CNKSR2: variants seen among roughly 807,000 people sequenced by gnomAD.
CNKSR2 encodes connector enhancer of kinase suppressor of Ras 2.
A neutral mutation model predicts 84.4 loss-of-function variants in CNKSR2; 14 were observed. That is an observed-to-expected ratio of 0.17 (90% CI 0.11 to 0.26). The LOEUF is 0.26. Ranked by LOEUF, CNKSR2 falls within the 10% of genes least tolerant of loss-of-function variation. CNKSR2 has a pLI of 1.00. For synonymous variants in CNKSR2, 275 were observed against 277.9 expected (o/e 0.99, Z 0.10); for missense variants, 485 against 771.2 (o/e 0.63, Z 4.40).
chrX:21,641,334 G>A (rs1243358573), intron 20 of CNKSR2, among the ~76,000 whole-genome samples: 1 of 111,770 alleles, frequency 8.9e-6, no homozygotes, highest in Non-Finnish European at 1.9e-5. Context: ...AGCAAAAGGT[G>A]TCCCATTTAT....
At chrX:21,650,648 T>C (rs2092718791) in intron 21 of CNKSR2, among the ~76,000 whole-genome samples, 1 of 111,759 alleles carries the variant, frequency 8.9e-6, no homozygotes, top group African/African-American at 3.3e-5. Flanking sequence ...GAGGGCTCCT[T>C]TGGGAAATAT....
At chrX:21,433,156 G>A (rs1263492952) in intron 3 of CNKSR2, among the ~76,000 whole-genome samples, 1 of 110,919 alleles carries the variant, frequency 9.0e-6, no homozygotes, top group Admixed American at 9.6e-5. Context: ...ATATTAATTG[G>A]TTGTACTTAA....
intron 8 of CNKSR2, chrX:21,504,247 G>C (rs2091589637): frequency 9.0e-6 from 1 of 111,165 alleles, no homozygotes; most frequent in African/African-American, 3.3e-5. Flanking sequence ...ATTATTTATA[G>C]TCTGCAATTA....
chrX:21,424,347 G>A (rs2090537940), intron 1 of CNKSR2: 1 of 111,632 alleles, frequency 9.0e-6, no homozygotes, highest in Non-Finnish European at 1.9e-5. Flanking sequence ...AATTCTCAGA[G>A]TGCTTTAGTC....
intron 1 of CNKSR2, among the ~76,000 whole-genome samples, chrX:21,420,376 C>A (rs777723914): frequency 8.9e-6 from 1 of 112,475 alleles, no homozygotes; most frequent in Non-Finnish European, 1.9e-5. Flanking sequence ...ACCCCAAGAA[C>A]CTGCTTTGTT....
At chrX:21,578,549 GTT>G (rs199558488) in intron 13 of CNKSR2, among the ~76,000 whole-genome samples, 1,430 of 83,087 alleles carry the variant, frequency 0.017, 19 homozygotes, top group African/African-American at 0.053. Flanking sequence ...CTACTTACCT[GTT>G]TTTTTTTTTT....
At chrX:21,644,629 A>G (rs1373836810) in intron 20 of CNKSR2, 1 of 111,735 alleles carries the variant, frequency 8.9e-6, no homozygotes, top group Non-Finnish European at 1.9e-5. Context: ...TGTGCCAGGT[A>G]GAAGAAGGGG....
chrX:21,379,683 A>T (rs1479354021), intron 1 of CNKSR2, among the ~76,000 whole-genome samples: 1 of 111,503 alleles, frequency 9.0e-6, no homozygotes, highest in Non-Finnish European at 1.9e-5. Context: ...GGGTGCTTTA[A>T]TGGGTTGTTT....
chrX:21,427,074 A>C (rs1290103413), intron 2 of CNKSR2: 1 of 130,134 alleles, frequency 7.7e-6, no homozygotes, highest in Admixed American at 9.0e-5. Flanking sequence ...AAACCTACTT[A>C]AAAGGATGGC....
rs2092728073 is a variant in CNKSR2, at chrX:21,654,307, T to C, written c.*1786T>C. The stretch of plus-strand genomic sequence containing the variant: ...AAAAAAAAAAAAACAAAAAACCTCT[T>C]GTCCTAAAATGAAGTGTGCTTGTTA... On this transcript the variant is annotated 3_prime_UTR_variant, in exon 22 of 22. Coordinates refer to ENST00000379510, the MANE Select transcript of CNKSR2 (RefSeq NM_014927.5). 9.5e-6 allele frequency: 1 copy of C among 105,575 alleles called. No homozygotes were observed. Among genetic ancestry groups the C allele is most frequent in the African/African-American group, 3.5e-5 (1 of 28,948 alleles). The allele number at this position is 105,575 out of a possible 1,213,427, so 8.7% of individuals were successfully genotyped here.
intron 4 of CNKSR2, among the ~76,000 whole-genome samples, chrX:21,469,247 T>C (rs1021784446): frequency 1.8e-5 from 2 of 112,198 alleles, no homozygotes; most frequent in African/African-American, 6.5e-5. Flanking sequence ...AGAAGCAGCA[T>C]GTGGAAGCTG....
At chrX:21,648,071 T>A (rs2092711000) in intron 20 of CNKSR2, among the ~76,000 whole-genome samples, 1 of 111,919 alleles carries the variant, frequency 8.9e-6, no homozygotes, top group Non-Finnish European at 1.9e-5. Flanking sequence ...AATATTTAAC[T>A]GGAGTATTTT....
chrX:21,501,437 A>G lies in CNKSR2; in HGVS notation c.742-83A>G, dbSNP rs373193745. ...TAATTTTTAAATCTAATTTATGGAG[A>G]TGAACTTTTTGTAGTGTTTCCAGAG... is the stretch of plus-strand genomic sequence containing the variant. On this transcript the variant is annotated intron_variant, in intron 7 of 21. Transcript: ENST00000379510. 150 of 493,888 alleles carry G rather than the reference A, an allele frequency of 3.0e-4. 2 individuals are homozygous for G. The South Asian group carries it at 7.3e-3, about 24-fold the overall frequency. 40.7% of individuals were successfully genotyped at this position (493,888 alleles called of 1,213,427 possible).
At position 21,654,285 on chromosome X, in the gene CNKSR2, A is replaced by AAAC. The variant is rs1555967957; in HGVS notation, c.*1766_*1767insCAA. ...ATTTTGTATATGTAAAAAAAAAAAAAAAAAAAAAACAAAAAACCTCTTGTC... is the reference window on the plus strand; with the variant it reads ...ATTTTGTATATGTAAAAAAAAAAAAAAACAAAAAAAAACAAAAAACCTCTTGTC... On this transcript the variant is annotated 3_prime_UTR_variant, in exon 22 of 22. Transcript: ENST00000379510. The AAAC allele has an allele frequency of 1.9e-5, 2 of 107,123 alleles. No homozygotes were observed. Among genetic ancestry groups the AAAC allele is most frequent in the African/African-American group, 6.7e-5 (2 of 29,661 alleles). 8.8% of individuals were successfully genotyped at this position (107,123 alleles called of 1,213,427 possible). A position where few individuals can be genotyped will look rare whatever the true frequency, so the allele number is the denominator to read the frequency against.
At chrX:21,587,782 G>T (rs748808556) in intron 13 of CNKSR2, among the ~76,000 whole-genome samples, 5 of 111,632 alleles carry the variant, frequency 4.5e-5, no homozygotes, top group African/African-American at 1.6e-4. Flanking sequence ...TCTAATATAA[G>T]TTTGTAAGGG....
Position 21,426,639 on chromosome X carries a change from A to C in CNKSR2, c.207A>C (p.Ala69=). 8.3e-7 allele frequency: 1 copy of C among 1,204,228 alleles called. No individual in the cohort carries two copies. The highest frequency in any genetic ancestry group is 1.1e-6 in the Non-Finnish European group (1 of 892,928). Residue 69 remains alanine (A), a synonymous_variant, in exon 2 of 22, where the codon GCA becomes GCC. Transcript: ENST00000379510. ...RIGHQELILE[A]VDLLCALNYG... ...GCCATCAGGAACTGATCTTGGAAGC[A>C]GTTGACCTTCTGTGTGCATTGGTAA... is the stretch of plus-strand genomic sequence containing the variant.
Position 21,432,598 on chromosome X carries a change from T to C in CNKSR2, c.229-14T>C, listed in dbSNP as rs765286551. ...CTGACTTTAAATATATTCTCTCTCT[T>C]TTTTATAATTCAGAATTATGGCTTG... On this transcript the variant is annotated splice_polypyrimidine_tract_variant and intron_variant, in intron 2 of 21. Transcript: ENST00000379510. 1 of 1,077,599 alleles carries C rather than the reference T, an allele frequency of 9.3e-7. No individual in the cohort carries two copies. The highest frequency in any genetic ancestry group is 2.6e-5 in the Admixed American group (1 of 38,138). The allele number at this position is 1,077,599 out of a possible 1,213,427, so 88.8% of individuals were successfully genotyped here.
chrX:21,599,283 C>T (rs1395471936), intron 17 of CNKSR2, among the ~76,000 whole-genome samples: 1 of 109,267 alleles, frequency 9.2e-6, no homozygotes, highest in Non-Finnish European at 1.9e-5. Context: ...TTCTTAAGGA[C>T]CTCTTTGTTC....
intron 5 of CNKSR2, among the ~76,000 whole-genome samples, chrX:21,486,666 A>G (rs2091388296): frequency 8.9e-6 from 1 of 112,267 alleles, no homozygotes; most frequent in Non-Finnish European, 1.9e-5. Context: ...ATTATAGCTA[A>G]TAATAATGTT....
Sources: gnomAD v4.1 joint callset for allele counts (sites outside exome capture counted in the v4.1 genomes callset) on GRCh38, gnomAD v4.1.1 for gene constraint, MANE v1.5 for transcripts, NCBI Gene and HGNC (gene_info 2026-07-23, HGNC 2026-07-21) for gene names.